Variants in TMEM144 observed in about 807,000 individuals in gnomAD.
TMEM144 encodes the protein transmembrane protein 144.
A neutral mutation model predicts 43.6 loss-of-function variants in TMEM144; 39 were observed. The ratio of observed to expected loss-of-function variants is 0.90; its 90% confidence interval spans 0.69 to 1.17. The LOEUF is 1.17. Ranked by LOEUF, TMEM144 falls within the 50% of genes most tolerant of loss-of-function variation. TMEM144 has a pLI of 0.00. For synonymous variants in TMEM144, 154 were observed against 133.6 expected (o/e 1.15, Z -1.06); for missense variants, 417 against 411.9 (o/e 1.01, Z -0.11).
In TMEM144 at chr4:158,246,791, C is replaced by G. The variant is rs112276612; in HGVS notation, c.954+2442C>G. 5.6e-3 allele frequency among the ~76,000 whole-genome samples: 855 copies of G among 152,018 alleles called. 11 individuals are homozygous for G. The highest frequency in any genetic ancestry group is 0.02 in the African/African-American group (820 of 41,538). ...AAGCCTTAGAAAATTACAAATTAGT[C>G]ATCATAGTTTATTAGTAATTATAGG... On this transcript the variant is annotated intron_variant, in intron 12 of 12. Coordinates refer to ENST00000296529, the MANE Select transcript of TMEM144 (RefSeq NM_018342.5).
intron 12 of TMEM144, among the ~76,000 whole-genome samples, chr4:158,245,943 GAAAA>G (rs899466661): frequency 6.7e-6 from 1 of 149,754 alleles, no homozygotes; most frequent in Non-Finnish European, 1.5e-5. Flanking sequence ...AAAAGAAAAA[GAAAA>G]AAAAAGAAAG....
chr4:158,231,641 A>T (rs1735083991), intron 6 of TMEM144, among the ~76,000 whole-genome samples: 1 of 152,064 alleles, frequency 6.6e-6, no homozygotes. Context: ...TTTAGTTTGG[A>T]CAGGACAAAG....
At chr4:158,215,716 T>C (rs1734189407) in intron 4 of TMEM144, among the ~76,000 whole-genome samples, 1 of 152,200 alleles carries the variant, frequency 6.6e-6, no homozygotes, top group Admixed American at 6.5e-5. Flanking sequence ...TAGGCCAATG[T>C]GAAGATACTA....
rs570068703 is a variant in TMEM144 at position 158,251,737 on chromosome 4, ATTG to A, written c.955-1704_955-1702del. ...ATGAGTGACACCACAGTTCTGAGAA[ATTG>A]TTACCTTTTTCCAGGAATCTTCATG... is the stretch of plus-strand genomic sequence containing the variant. On this transcript the variant is annotated intron_variant, in intron 12 of 12. Coordinates refer to ENST00000296529, the MANE Select transcript of TMEM144 (RefSeq NM_018342.5). Among the ~76,000 whole-genome samples, 383 of 152,312 alleles carry A rather than the reference ATTG, an allele frequency of 2.5e-3. 2 individuals carry two copies. Among genetic ancestry groups the A allele is most frequent in the African/African-American group, 8.9e-3 (371 of 41,556 alleles).
chr4:158,223,505 A>G lies in TMEM144; in HGVS notation c.413+4115A>G, dbSNP rs115014289. Reference sequence around the variant, plus strand: ...ACGTGCAGGATTGTTACATAGGTACATGTGTACCATGGTGGTTTGCTGCAC... The same window carrying G: ...ACGTGCAGGATTGTTACATAGGTACGTGTGTACCATGGTGGTTTGCTGCAC... On this transcript the variant is annotated intron_variant, in intron 6 of 12. Transcript: ENST00000296529. Among the ~76,000 whole-genome samples, 1,283 of 152,234 alleles carry G rather than the reference A, an allele frequency of 8.4e-3. 18 individuals carry two copies. Among genetic ancestry groups the G allele is most frequent in the African/African-American group, 0.029 (1,184 of 41,528 alleles).
intron 7 of TMEM144, 100 bp downstream of exon 7, chr4:158,233,082 A>G (rs1735164124): frequency 1.2e-6 from 1 of 847,028 alleles, no homozygotes. Flanking sequence ...GTGTTTGCTC[A>G]TCACTCCTGG....
At chr4:158,241,280 C>T (rs964579486) in intron 10 of TMEM144, among the ~76,000 whole-genome samples, 1 of 152,132 alleles carries the variant, frequency 6.6e-6, no homozygotes, top group Admixed American at 6.5e-5. Context: ...ACTATGGGTA[C>T]TTTAATGCTG....
intron 6 of TMEM144, among the ~76,000 whole-genome samples, chr4:158,220,035 C>A (rs1734434537): frequency 6.6e-6 from 1 of 152,368 alleles, no homozygotes; most frequent in Admixed American, 6.5e-5. Flanking sequence ...ATTCAGTCTT[C>A]TTTCCCCTCT....
At chr4:158,239,757 T>TA (rs537533009) in intron 9 of TMEM144, among the ~76,000 whole-genome samples, 1 of 152,166 alleles carries the variant, frequency 6.6e-6, no homozygotes, top group Non-Finnish European at 1.5e-5. Context: ...CAGATGATCA[T>TA]AAAAACTAGC....
intron 6 of TMEM144, among the ~76,000 whole-genome samples, chr4:158,229,722 C>T (rs1002380361): frequency 2.6e-5 from 4 of 152,166 alleles, no homozygotes; most frequent in Non-Finnish European, 4.4e-5. Context: ...AGGGAGGCCC[C>T]GCCCAGTGAG....
At chr4:158,228,915 C>A (rs539254566) in intron 6 of TMEM144, among the ~76,000 whole-genome samples, 1 of 152,052 alleles carries the variant, frequency 6.6e-6, no homozygotes, top group East Asian at 1.9e-4. Context: ...AAGGGGTCCG[C>A]GTGAGAGGGT....
chr4:158,253,213 G>T (rs1163798465), intron 12 of TMEM144, among the ~76,000 whole-genome samples: 3 of 152,144 alleles, frequency 2.0e-5, no homozygotes, highest in East Asian at 1.9e-4. Context: ...ATGATTGTTT[G>T]CATAAAGGTA....
chr4:158,240,517 T>G, intron 10 of TMEM144, 99 bp downstream of exon 10: 1 of 1,302,804 alleles, frequency 7.7e-7, no homozygotes, highest in Non-Finnish European at 1.1e-6. Context: ...CCATCCTCTG[T>G]GTGTATATGT....
chr4:158,212,699 G>A lies in TMEM144; in HGVS notation c.32G>A (p.Gly11Asp). 6.2e-7 allele frequency: 1 copy of A among 1,613,518 alleles called. No individual in the cohort carries two copies. The highest frequency in any genetic ancestry group is 1.1e-5 in the South Asian group (1 of 90,944). MSNNGADLTF[G>D]YISCFVAILL... ...AACAATGGAGCAGACCTAACCTTTG[G>A]TTACATCTCCTGTTTTGTAGCTATC... is the stretch of plus-strand genomic sequence containing the variant. Residue 11 changes from glycine to aspartate, a missense_variant, in exon 3 of 13, where the codon GGT (glycine) becomes GAT (aspartate). Transcript: ENST00000296529.
intron 12 of TMEM144, among the ~76,000 whole-genome samples, chr4:158,248,267 T>C (rs147531677): frequency 6.6e-6 from 1 of 151,932 alleles, no homozygotes; most frequent in Non-Finnish European, 1.5e-5. Flanking sequence ...ACCCTGTCTC[T>C]ACAAAAATAC....
At chr4:158,224,556 T>C (rs952241976) in intron 6 of TMEM144, among the ~76,000 whole-genome samples, 2 of 152,266 alleles carry the variant, frequency 1.3e-5, no homozygotes, top group South Asian at 2.1e-4. Flanking sequence ...TAAGTTTTTT[T>C]AGAGTTCTCG....
At chr4:158,243,834 C>T (rs1412053557) in intron 11 of TMEM144, among the ~76,000 whole-genome samples, 3 of 152,132 alleles carry the variant, frequency 2.0e-5, no homozygotes, top group African/African-American at 2.4e-5. Context: ...TTTTAAAGCA[C>T]GAGCTACTTC....
chr4:158,243,238 T>A (rs1212437216), intron 11 of TMEM144, among the ~76,000 whole-genome samples: 2 of 152,230 alleles, frequency 1.3e-5, no homozygotes, highest in Admixed American at 1.3e-4. Flanking sequence ...CTTGTTTGAT[T>A]TGGATTTTGA....
chr4:158,230,103 A>C (rs1734999218), intron 6 of TMEM144, among the ~76,000 whole-genome samples: 1 of 152,218 alleles, frequency 6.6e-6, no homozygotes, highest in Non-Finnish European at 1.5e-5. Flanking sequence ...TTGGGACCCT[A>C]GGCCCCAGTG....
Sources: allele counts gnomAD v4.1 joint callset (sites outside exome capture counted in the v4.1 genomes callset), GRCh38; gene constraint gnomAD v4.1.1; transcripts MANE v1.5; gene names NCBI Gene and HGNC (gene_info 2026-07-23, HGNC 2026-07-21).